SCARB1: variants seen among roughly 807,000 people sequenced by gnomAD.
SCARB1 encodes scavenger receptor class B member 1.
In SCARB1, 30 loss-of-function variants were observed where a neutral mutation model predicts 57.2. The observed-to-expected ratio is 0.52, with a 90% CI of 0.39 to 0.71. The LOEUF is 0.71. Ranked by LOEUF, SCARB1 falls within the 30% of genes least tolerant of loss-of-function variation. The pLI, the probability that SCARB1 is intolerant of heterozygous loss-of-function variation, is 0.00. For missense variants in SCARB1, 543 were observed against 671.2 expected, an observed-to-expected ratio of 0.81 and a Z score of 2.11; for synonymous variants, 249 against 268.3, an observed-to-expected ratio of 0.93 and a Z score of 0.70.
chr12:124,793,574 T>G (rs1949810937), intron 9 of SCARB1, among the ~76,000 whole-genome samples: 1 of 151,534 alleles, frequency 6.6e-6, no homozygotes, highest in Non-Finnish European at 1.5e-5. Flanking sequence ...GCGCCTGTAG[T>G]CCCAGCTACT....
Position 124,789,381 on chromosome 12 carries a change from C to T in SCARB1, c.1203-1924G>A, listed in dbSNP as rs1019137477. ...ATCAAAATGAAGGAGAGATGAGAGA[C>T]TGTCACAGCCAAAAGGTGCCTAAGG... is the stretch of plus-strand genomic sequence containing the variant. On this transcript the variant is annotated intron_variant, in intron 9 of 12. Transcript: ENST00000261693. This position sits in a 1 kb window ranked among gnomAD's most constrained non-coding sequence, Gnocchi z 4.4. Among the ~76,000 whole-genome samples the T allele has an allele frequency of 3.9e-5, 6 of 152,218 alleles. No homozygotes were observed. Among genetic ancestry groups the T allele is most frequent in the Non-Finnish European group, 5.9e-5 (4 of 68,048 alleles).
chr12:124,857,202 T>C (rs1054375316), intron 1 of SCARB1, among the ~76,000 whole-genome samples: 2 of 152,204 alleles, frequency 1.3e-5, no homozygotes, highest in Admixed American at 1.3e-4. Context: ...CTTGGAGCTA[T>C]GTGACATGGG....
At chr12:124,823,110 G>C (rs1307301186) in intron 1 of SCARB1, among the ~76,000 whole-genome samples, 1 of 152,124 alleles carries the variant, frequency 6.6e-6, no homozygotes, top group African/African-American at 2.4e-5. Flanking sequence ...ATAGAAACCA[G>C]AACAGGGGTC....
chr12:124,827,668 C>T (rs1951215887), intron 1 of SCARB1, among the ~76,000 whole-genome samples: 1 of 152,126 alleles, frequency 6.6e-6, no homozygotes, highest in Non-Finnish European at 1.5e-5. Context: ...CAAGAGGCCA[C>T]GCTCCTGCCC....
intron 1 of SCARB1, among the ~76,000 whole-genome samples, chr12:124,855,765 G>T (rs1952597814): frequency 1.3e-5 from 2 of 152,164 alleles, no homozygotes; most frequent in Admixed American, 6.5e-5. Context: ...TTCAGCCTTG[G>T]GGGGTGTGGC....
rs116955238 is a variant in SCARB1 at position 124,852,909 on chromosome 12, G to T, written c.126+10686C>A. On this transcript the variant is annotated intron_variant, in intron 1 of 12. Coordinates refer to ENST00000261693, the MANE Select transcript of SCARB1 (RefSeq NM_005505.5). ...TACCAAATTAGCTGGGCATAGTGGT[G>T]CACGCCTGTAATCCCAGCTACTCAA... Among the ~76,000 whole-genome samples the T allele has an allele frequency of 3.6e-3, 554 of 152,264 alleles. 2 individuals are homozygous for T. Among genetic ancestry groups the T allele is most frequent in the Non-Finnish European group, 6.0e-3 (410 of 68,024 alleles).
intron 1 of SCARB1, among the ~76,000 whole-genome samples, chr12:124,861,956 C>T (rs1232046310): frequency 6.6e-6 from 1 of 152,120 alleles, no homozygotes; most frequent in African/African-American, 2.4e-5. Context: ...AATAAGCCCC[C>T]GAATAACTGA....
intron 1 of SCARB1, among the ~76,000 whole-genome samples, chr12:124,820,962 G>GC (rs1950935199): frequency 1.3e-5 from 2 of 152,032 alleles, no homozygotes; most frequent in African/African-American, 4.8e-5. Context: ...GCAAAACAAG[G>GC]CCCAGTGCGG....
In SCARB1 at chr12:124,814,341, G is replaced by A; in HGVS notation, c.491C>T (p.Thr164Ile). ...CATGAAGGCACGTTCGCCGAGGGTG[G>A]TGAATGCCAAGGTCATGATGAGCTT... Reference protein sequence around the residue: ...TLKLIMTLAFTTLGERAFMNR... With the variant: ...TLKLIMTLAFITLGERAFMNR... Residue 164 changes from threonine to isoleucine, a missense_variant, in exon 4 of 13, where the codon ACC becomes ATC. Coordinates refer to ENST00000261693, the MANE Select transcript of SCARB1 (RefSeq NM_005505.5). This position sits in a 1 kb window ranked among gnomAD's most constrained non-coding sequence, Gnocchi z 4.7. 10 of 1,614,148 alleles carry A rather than the reference G, an allele frequency of 6.2e-6. No individual in the cohort carries two copies. The highest frequency in any genetic ancestry group is 8.5e-6 in the Non-Finnish European group (10 of 1,180,030).
At chr12:124,791,257 TAATA>T (rs1421606035) in intron 9 of SCARB1, among the ~76,000 whole-genome samples, 1 of 152,148 alleles carries the variant, frequency 6.6e-6, no homozygotes, top group Non-Finnish European at 1.5e-5. Flanking sequence ...CCTTTTACCG[TAATA>T]AATCATAGCC....
chr12:124,857,685 C>T (rs1226169093), intron 1 of SCARB1, among the ~76,000 whole-genome samples: 1 of 152,158 alleles, frequency 6.6e-6, no homozygotes, highest in East Asian at 1.9e-4. Flanking sequence ...AGCATGCAGG[C>T]AAAGATGACC....
At chr12:124,833,283 G>A (rs1056848657) in intron 1 of SCARB1, among the ~76,000 whole-genome samples, 4 of 150,594 alleles carry the variant, frequency 2.7e-5, no homozygotes, top group African/African-American at 7.3e-5. Flanking sequence ...TCGAACTCCC[G>A]GGCTGAAGCA....
chr12:124,856,773 C>T (rs768370918), intron 1 of SCARB1, among the ~76,000 whole-genome samples: 1 of 152,218 alleles, frequency 6.6e-6, no homozygotes, highest in South Asian at 2.1e-4. Context: ...CTGATAAAGG[C>T]GCAGAGCGGG....
intron 1 of SCARB1, among the ~76,000 whole-genome samples, chr12:124,851,826 CG>C (rs1248612067): frequency 7.2e-5 from 11 of 151,886 alleles, no homozygotes; most frequent in Admixed American, 7.2e-4. Context: ...AGGCTGGTCT[CG>C]AACTCCTGAC....
At chr12:124,834,455 T>G (rs1298430734) in intron 1 of SCARB1, among the ~76,000 whole-genome samples, 2 of 152,216 alleles carry the variant, frequency 1.3e-5, no homozygotes, top group Non-Finnish European at 1.5e-5. Flanking sequence ...TCTCGGGCAA[T>G]TTCTGAACAC....
At chr12:124,803,687 T>C (rs1440073619) in intron 7 of SCARB1, among the ~76,000 whole-genome samples, 1 of 38,248 alleles carries the variant, frequency 2.6e-5, no homozygotes, top group Non-Finnish European at 4.1e-5. Flanking sequence ...ACCCCACCTC[T>C]ACAAAAAAAA....
rs1377437918 is a variant in SCARB1 at position 124,817,090 on chromosome 12, G to GTA, written c.284+459_284+460insTA. The stretch of plus-strand genomic sequence containing the variant: ...TGTAGGTACATGTGTGTGTATGTAT[G>GTA]TGTGTGTGTATGTGTATGTACGTGT... On this transcript the variant is annotated intron_variant, in intron 2 of 12. Transcript: ENST00000261693. This position sits in a 1 kb window ranked among gnomAD's most constrained non-coding sequence, Gnocchi z 4.8. 6.7e-6 allele frequency among the ~76,000 whole-genome samples: 1 copy of GTA among 148,728 alleles called. No homozygotes were observed.
intron 1 of SCARB1, among the ~76,000 whole-genome samples, chr12:124,855,423 A>G (rs1384166641): frequency 6.6e-6 from 1 of 152,216 alleles, no homozygotes; most frequent in East Asian, 1.9e-4. Context: ...ACAGGGAGCC[A>G]GCCCCTGGGC....
intron 9 of SCARB1, among the ~76,000 whole-genome samples, chr12:124,790,712 A>C (rs541272051): frequency 3.9e-4 from 60 of 152,264 alleles, no homozygotes; most frequent in Middle Eastern, 3.4e-3. Context: ...AGACCCCCCC[A>C]CAACAGGTGT....
Sources: allele counts gnomAD v4.1 joint callset (sites outside exome capture counted in the v4.1 genomes callset), GRCh38; gene constraint gnomAD v4.1.1; non-coding constraint Gnocchi (gnomAD v3.1); transcripts MANE v1.5; gene names NCBI Gene and HGNC (gene_info 2026-07-23, HGNC 2026-07-21).